The following ATG16L1 variants were observed in gnomAD, a reference collection of about 807,000 sequenced individuals.
The protein encoded by ATG16L1 is autophagy-related protein 16-1.
A neutral mutation model predicts 88.5 loss-of-function variants in ATG16L1; 37 were observed. The observed-to-expected ratio is 0.42, with a 90% CI of 0.32 to 0.55. The LOEUF (loss-of-function observed/expected upper bound fraction) is 0.55. Among genes scored for constraint, ATG16L1 ranks in the 20% least tolerant of loss-of-function variants. The pLI is 0.13. For missense variants in ATG16L1, 554 were observed against 752.8 expected (o/e 0.74, Z 3.09); for synonymous variants, 301 against 281.0 (o/e 1.07, Z -0.71).
chr2:233,293,265 C>T lies in ATG16L1; in HGVS notation c.1638C>T (p.Gly546=), dbSNP rs752382736. The change falls in exon 17 of 18, where the codon GGC becomes GGT. Residue 546 remains glycine, a synonymous_variant. Coordinates refer to ENST00000392017, the MANE Select transcript of ATG16L1 (RefSeq NM_030803.7). ...DWTRVVFSPD[G]SYVAAGSAEG... is the part of the protein sequence containing the mutation. ...TTACTGTCTTCTGTAGCCCTGATGG[C>T]AGTTACGTGGCGGCAGGCTCTGCTG... 4.3e-6 allele frequency: 7 copies of T among 1,614,074 alleles called. No homozygotes were observed. In the South Asian group the frequency reaches 7.7e-5, roughly 18 times the overall value.
chr2:233,252,373 GT>G (rs201298474), intron 1 of ATG16L1, among the ~76,000 whole-genome samples: 60 of 151,260 alleles, frequency 4.0e-4, no homozygotes, highest in African/African-American at 1.4e-3. Context: ...CACCTTGGTG[GT>G]TTTTTTTGCG....
chr2:233,294,295 C>T lies in ATG16L1; in HGVS notation c.1769C>T (p.Ser590Leu), dbSNP rs779928715. The change falls in exon 18 of 18, where the codon TCG becomes TTG. Residue 590 changes from serine to leucine, a missense_variant. This residue lies in a region of ATG16L1 where 370 missense variants were observed against 509.7 expected (regional missense o/e 0.73). Transcript: ENST00000392017. ...GCGGTGGCGTGGTCGCCCTCTGGCT[C>T]GCACGTTGTCAGTGTGGACAAAGGA... ...INAVAWSPSG[S>L]HVVSVDKGCK... The T allele has an allele frequency of 7.4e-6, 12 of 1,612,264 alleles. No individual in the cohort carries two copies. Among genetic ancestry groups the T allele is most frequent in the Non-Finnish European group, 8.5e-6 (10 of 1,179,360 alleles).
chr2:233,267,286 T>C (rs2125233241), intron 5 of ATG16L1, among the ~76,000 whole-genome samples: 1 of 152,306 alleles, frequency 6.6e-6, no homozygotes, highest in South Asian at 2.1e-4. Flanking sequence ...GAGGTGGAAG[T>C]TGCAGTGAGC....
intron 9 of ATG16L1, 83 bp from the exon 10 acceptor site, chr2:233,277,485 G>C (rs1467706251): frequency 7.9e-7 from 1 of 1,273,650 alleles, no homozygotes; most frequent in Non-Finnish European, 1.1e-6. Context: ...GTTTCCCCAT[G>C]AATTAGGCAT....
At chr2:233,258,361 C>T (rs946660026) in intron 2 of ATG16L1, among the ~76,000 whole-genome samples, 1 of 152,130 alleles carries the variant, frequency 6.6e-6, no homozygotes, top group African/African-American at 2.4e-5. Flanking sequence ...TCATCTGGCA[C>T]GATGGTCTCC....
Position 233,292,769 on chromosome 2 carries a change from G to A in ATG16L1, c.1628+335G>A, listed in dbSNP as rs550334481. 1.1e-4 allele frequency among the ~76,000 whole-genome samples: 17 copies of A among 152,362 alleles called. 1 individual carries two copies. The South Asian group carries it at 3.5e-3, about 32-fold the overall frequency. On this transcript the variant is annotated intron_variant, in intron 16 of 17. Transcript: ENST00000392017. Reference sequence around the variant, plus strand: ...AGGGCAGGAGTGGCCGTGGGCCTGGGGCGGGACTGAAAAGGCTTTTTGGAG... The same window carrying A: ...AGGGCAGGAGTGGCCGTGGGCCTGGAGCGGGACTGAAAAGGCTTTTTGGAG...
chr2:233,290,425 CT>C (rs1477658317), intron 14 of ATG16L1, 72 bp downstream of exon 14: 2 of 1,213,132 alleles, frequency 1.6e-6, no homozygotes, highest in African/African-American at 3.0e-5. Flanking sequence ...ATGGGTTGTG[CT>C]TTTAAGATCT....
intron 9 of ATG16L1, 184 bp from the exon 10 acceptor site, chr2:233,277,384 A>G: frequency 1.8e-6 from 1 of 543,706 alleles, no homozygotes; most frequent in South Asian, 2.1e-5. Flanking sequence ...AACTGTAACT[A>G]GAAGAATAAA....
Position 233,273,018 on chromosome 2 carries a change from A to ACT in ATG16L1, c.761_762insTC (p.Ser255ProfsTer55). ...TGAAACTTCTGATCACACAGAAGAG[A>ACT]CCTCTCCTGTGCGAGCCATCAGCAG... is the stretch of plus-strand genomic sequence containing the variant. On this transcript the variant is annotated frameshift_variant, in exon 7 of 18. Coordinates refer to ENST00000392017, the MANE Select transcript of ATG16L1 (RefSeq NM_030803.7). LOFTEE classifies it high-confidence loss of function. 1 of 1,613,950 alleles carries ACT rather than the reference A, an allele frequency of 6.2e-7. No homozygotes were observed. The highest frequency in any genetic ancestry group is 8.5e-7 in the Non-Finnish European group (1 of 1,179,922).
intron 1 of ATG16L1, among the ~76,000 whole-genome samples, chr2:233,252,661 T>C (rs1696461523): frequency 6.6e-6 from 1 of 152,128 alleles, no homozygotes; most frequent in South Asian, 2.1e-4. Flanking sequence ...GTGCTGGGAT[T>C]ATAGGCGTGA....
chr2:233,271,599 A>G (rs144154586), intron 6 of ATG16L1, among the ~76,000 whole-genome samples: 3 of 152,304 alleles, frequency 2.0e-5, no homozygotes, highest in African/African-American at 7.2e-5. Context: ...CTTAATCTCT[A>G]TGCTTCCCTA....
chr2:233,273,912 C>T, intron 8 of ATG16L1, 135 bp downstream of exon 8: 1 of 1,519,448 alleles, frequency 6.6e-7, no homozygotes, highest in South Asian at 1.2e-5. Context: ...ATCAGCTTTT[C>T]ATTTAGCTTC....
At chr2:233,277,857 T>G (rs1233077217) in intron 10 of ATG16L1, among the ~76,000 whole-genome samples, 184 bp downstream of exon 10, 1 of 152,242 alleles carries the variant, frequency 6.6e-6, no homozygotes, top group African/African-American at 2.4e-5. Context: ...ATCTCAGTTA[T>G]TCTTTACTTC....
chr2:233,251,980 G>T, intron 1 of ATG16L1, 38 bp downstream of exon 1: 2 of 1,476,158 alleles, frequency 1.4e-6, no homozygotes, highest in South Asian at 1.3e-5. Flanking sequence ...TGGGGCGGGC[G>T]GGCCCCGCGG....
rs867253090 is a variant in ATG16L1 at position 233,264,164 on chromosome 2, A to G, written c.389+99A>G. On this transcript the variant is annotated intron_variant, in intron 4 of 17. Transcript: ENST00000392017. ...GCAGGGCCAGTGGCAGTGAGTGGCC[A>G]CAGTGCACTTAGCGAGAGTTTGATT... 1.1e-5 allele frequency: 13 copies of G among 1,151,414 alleles called. No individual in the cohort carries two copies. The Middle Eastern group carries it at 1.1e-3, about 101-fold the overall frequency. The allele number at this position is 1,151,414 out of a possible 1,614,324, so 71.3% of individuals were successfully genotyped here. A position where few individuals can be genotyped will look rare whatever the true frequency, so the allele number is the denominator to read the frequency against.
At chr2:233,255,520 A>G (rs926987722) in intron 1 of ATG16L1, among the ~76,000 whole-genome samples, 1 of 152,168 alleles carries the variant, frequency 6.6e-6, no homozygotes, top group Non-Finnish European at 1.5e-5. Flanking sequence ...TTATTTAATC[A>G]TTGCCAGTAA....
intron 16 of ATG16L1, 123 bp from the exon 17 acceptor site, chr2:233,293,133 G>A: frequency 1.2e-6 from 1 of 830,058 alleles, no homozygotes; most frequent in South Asian, 1.5e-5. Context: ...ACATTCTGAG[G>A]TCTGGGTACA....
intron 5 of ATG16L1, among the ~76,000 whole-genome samples, chr2:233,266,961 A>G (rs1163798782): frequency 1.3e-5 from 2 of 152,254 alleles, no homozygotes; most frequent in Non-Finnish European, 2.9e-5. Flanking sequence ...AACTGTGGTT[A>G]CTAGAGCATG....
chr2:233,274,114 C>G, intron 8 of ATG16L1: 3 of 1,402,494 alleles, frequency 2.1e-6, no homozygotes, highest in Non-Finnish European at 3.0e-6. Flanking sequence ...CACCGCTTCA[C>G]TGCCCTCAGT....
Sources: gnomAD v4.1 joint callset for allele counts (sites outside exome capture counted in the v4.1 genomes callset) on GRCh38, gnomAD v4.1.1 for gene constraint, gnomAD v4.1.1 regional missense constraint, MANE v1.5 for transcripts, NCBI Gene and HGNC (gene_info 2026-07-23, HGNC 2026-07-21) for gene names.